TIMMDC1: variants seen among roughly 807,000 people sequenced by gnomAD.
The protein encoded by TIMMDC1 is translocase of inner mitochondrial membrane domain containing 1, also known as complex I assembly factor TIMMDC1, mitochondrial.
Under a neutral mutation model 32.6 loss-of-function variants are expected in TIMMDC1, and 25 were observed. The ratio of observed to expected loss-of-function variants is 0.77; its 90% CI spans 0.56 to 1.07. TIMMDC1 has a LOEUF of 1.07. Among genes scored for constraint, TIMMDC1 ranks in the 50% least tolerant of loss-of-function variants. The pLI, the probability that TIMMDC1 is intolerant of heterozygous loss-of-function variation, is 0.00. For missense variants in TIMMDC1, 329 were observed against 349.2 expected, an observed-to-expected ratio of 0.94 and a Z score of 0.46; for synonymous variants, 130 against 127.6, an observed-to-expected ratio of 1.02 and a Z score of -0.13.
chr3:119,516,114 G>A (rs1401463443), intron 5 of TIMMDC1, among the ~76,000 whole-genome samples: 1 of 152,164 alleles, frequency 6.6e-6, no homozygotes, highest in Non-Finnish European at 1.5e-5. Context: ...TAAACACATA[G>A]CATAACATTC....
At chr3:119,509,564 T>C (rs975568170) in intron 4 of TIMMDC1, among the ~76,000 whole-genome samples, 6 of 152,160 alleles carry the variant, frequency 3.9e-5, no homozygotes, top group Non-Finnish European at 7.4e-5. Flanking sequence ...GAAAGTACAT[T>C]AGTGGATTGA....
Position 119,509,602 on chromosome 3 carries a change from C to A in TIMMDC1, c.518-4039C>A, listed in dbSNP as rs116102383. On this transcript the variant is annotated intron_variant, in intron 4 of 6. Transcript: ENST00000494664. The stretch of plus-strand genomic sequence containing the variant: ...TGAGATTGGGAACCAGGAGTAACCA[C>A]AAATGGGCGTGGGGGATCTTTTTGT... Among the ~76,000 whole-genome samples, 1,253 of 151,646 alleles carry A rather than the reference C, an allele frequency of 8.3e-3. 22 individuals are homozygous for A. The highest frequency in any genetic ancestry group is 0.028 in the African/African-American group (1,167 of 41,326).
intron 4 of TIMMDC1, among the ~76,000 whole-genome samples, chr3:119,507,159 A>G (rs1478497524): frequency 2.6e-5 from 4 of 151,972 alleles, no homozygotes; most frequent in Non-Finnish European, 5.9e-5. Flanking sequence ...AACTTTCTGG[A>G]TCTGTGGTTT....
At chr3:119,506,882 G>T (rs1375744980) in intron 4 of TIMMDC1, among the ~76,000 whole-genome samples, 1 of 152,028 alleles carries the variant, frequency 6.6e-6, no homozygotes, top group Non-Finnish European at 1.5e-5. Context: ...CCCTCTTCTT[G>T]AATGCACTTT....
At chr3:119,506,586 TG>T (rs1284195694) in intron 4 of TIMMDC1, among the ~76,000 whole-genome samples, 4 of 152,152 alleles carry the variant, frequency 2.6e-5, no homozygotes, top group African/African-American at 9.7e-5. Context: ...TTCCACTTCT[TG>T]TCCTATTAAT....
chr3:119,513,579 G>C (rs780803638), intron 4 of TIMMDC1, 62 bp from the exon 5 acceptor site: 1 of 1,321,794 alleles, frequency 7.6e-7, no homozygotes, highest in Non-Finnish European at 1.1e-6. Context: ...TAGAAGGAAA[G>C]TTTTAAAATA....
intron 6 of TIMMDC1, among the ~76,000 whole-genome samples, chr3:119,518,126 T>A (rs1286277199): frequency 6.6e-6 from 1 of 152,118 alleles, no homozygotes; most frequent in Non-Finnish European, 1.5e-5. Flanking sequence ...ATGAAAACTT[T>A]CACCTATTGC....
intron 2 of TIMMDC1, among the ~76,000 whole-genome samples, chr3:119,501,654 T>TA (rs199925578): frequency 2.8e-3 from 432 of 152,266 alleles, no homozygotes; most frequent in African/African-American, 9.7e-3. Flanking sequence ...TAAAAATAAA[T>TA]AAAAAAATGT....
At chr3:119,502,037 TTAC>T (rs2107726643) in intron 2 of TIMMDC1, among the ~76,000 whole-genome samples, 1 of 152,316 alleles carries the variant, frequency 6.6e-6, no homozygotes, top group South Asian at 2.1e-4. Flanking sequence ...CACTGTAAAA[TTAC>T]TATGTTTTTC....
At chr3:119,516,287 CTTTCTG>C (rs71763448) in intron 5 of TIMMDC1, among the ~76,000 whole-genome samples, 32,114 of 151,872 alleles carry the variant, frequency 0.21, 3,929 homozygotes, top group Middle Eastern at 0.28. Flanking sequence ...TATATTTCTA[CTTTCTG>C]TTTCTAAGAT....
intron 6 of TIMMDC1, among the ~76,000 whole-genome samples, chr3:119,520,352 A>C (rs2082017581): frequency 6.6e-6 from 1 of 151,748 alleles, no homozygotes; most frequent in Non-Finnish European, 1.5e-5. Flanking sequence ...AAAATCAAGA[A>C]ACCACAAGTT....
At chr3:119,518,656 G>A (rs1186206890) in intron 6 of TIMMDC1, among the ~76,000 whole-genome samples, 2 of 152,174 alleles carry the variant, frequency 1.3e-5, no homozygotes, top group African/African-American at 4.8e-5. Context: ...GCTTAAGAAT[G>A]GCTGGCTATG....
rs1196546133 is a variant in TIMMDC1 at position 119,524,316 on chromosome 3, T to C, written c.*560T>C. 1.3e-5 allele frequency: 2 copies of C among 152,264 alleles called. No individual in the cohort carries two copies. Among genetic ancestry groups the C allele is most frequent in the African/African-American group, 4.8e-5 (2 of 41,466 alleles). 9.4% of individuals were successfully genotyped at this position (152,264 alleles called of 1,614,324 possible). ...CATTATTAAAGAAACGGTTCAACTT[T>C]GTTTCTTCCCTTAGTATTGCTGACA... On this transcript the variant is annotated 3_prime_UTR_variant, in exon 7 of 7. Transcript: ENST00000494664.
intron 4 of TIMMDC1, among the ~76,000 whole-genome samples, chr3:119,505,322 C>A (rs1336821182): frequency 6.6e-6 from 1 of 151,754 alleles, no homozygotes; most frequent in Non-Finnish European, 1.5e-5. Flanking sequence ...TGTGTACATT[C>A]TTTTATGTAC....
chr3:119,503,863 T>A (rs2081898146), intron 3 of TIMMDC1, 91 bp from the exon 4 acceptor site: 1 of 1,172,664 alleles, frequency 8.5e-7, no homozygotes, highest in Non-Finnish European at 1.2e-6. Flanking sequence ...TAGGCTTTTC[T>A]AAATCTATTA....
At chr3:119,500,930 A>T (rs1275759868) in intron 2 of TIMMDC1, 70 bp downstream of exon 2, 1 of 1,487,094 alleles carries the variant, frequency 6.7e-7, no homozygotes, top group Non-Finnish European at 9.2e-7. Context: ...TTAATCATTC[A>T]ATTAGGTTGT....
chr3:119,513,143 C>A (rs908193219), intron 4 of TIMMDC1, among the ~76,000 whole-genome samples: 2 of 152,174 alleles, frequency 1.3e-5, no homozygotes, highest in African/African-American at 2.4e-5. Flanking sequence ...ACAGTCCCAG[C>A]AGAAAGGAAA....
intron 3 of TIMMDC1, 109 bp from the exon 4 acceptor site, chr3:119,503,845 T>G (rs748893586): frequency 5.8e-5 from 57 of 982,476 alleles, no homozygotes; most frequent in Non-Finnish European, 7.7e-5. Flanking sequence ...GAACAGGGAT[T>G]GATATAGTAG....
intron 1 of TIMMDC1, among the ~76,000 whole-genome samples, chr3:119,499,338 G>A (rs891053504): frequency 2.0e-5 from 3 of 151,404 alleles, no homozygotes; most frequent in Admixed American, 2.0e-4. Context: ...GGACTTAGGC[G>A]ATCCGCCTAC....
Sources: allele counts gnomAD v4.1 joint callset (sites outside exome capture counted in the v4.1 genomes callset), GRCh38; gene constraint gnomAD v4.1.1; transcripts MANE v1.5; gene names NCBI Gene and HGNC (gene_info 2026-07-23, HGNC 2026-07-21).